The following CFAP54 variants were observed in gnomAD, a reference collection of about 807,000 sequenced individuals.
The protein encoded by CFAP54 is cilia- and flagella-associated protein 54.
In CFAP54, 290 loss-of-function variants were observed where a neutral mutation model predicts 370.4. The observed-to-expected ratio is 0.78, with a 90% CI of 0.71 to 0.86. The LOEUF is 0.86. Ranked by LOEUF, CFAP54 falls within the 40% of genes least tolerant of loss-of-function variation. The probability of loss-of-function intolerance (pLI) is 0.00; values close to 1 mark genes in which losing one functional copy is unlikely to be tolerated. For missense variants in CFAP54, 3,399 were observed against 3,528.7 expected, an observed-to-expected ratio of 0.96 and a Z score of 0.93; for synonymous variants, 1,206 against 1,236.5, an observed-to-expected ratio of 0.98 and a Z score of 0.52.
intron 39 of CFAP54, among the ~76,000 whole-genome samples, chr12:96,664,725 CTATATATATATATCTATATA>C (rs1957049263): frequency 1.2e-4 from 9 of 72,590 alleles, no homozygotes; most frequent in Non-Finnish European, 2.1e-4. Context: ...CTATATATAT[CTATATATATATATCTATATA>C]TATATATATC....
chr12:96,525,107 C>A (rs1955363624), intron 8 of CFAP54, among the ~76,000 whole-genome samples: 1 of 151,900 alleles, frequency 6.6e-6, no homozygotes, highest in Non-Finnish European at 1.5e-5. Flanking sequence ...TGACAACTTG[C>A]AAGTACGAAT....
intron 40 of CFAP54, among the ~76,000 whole-genome samples, chr12:96,680,801 T>C (rs1468539467): frequency 6.6e-6 from 1 of 152,232 alleles, no homozygotes; most frequent in South Asian, 2.1e-4. Flanking sequence ...TGGGTAAGGC[T>C]GACTGGGCGC....
chr12:96,684,567 C>T, intron 40 of CFAP54, 81 bp from the exon 41 acceptor site: 1 of 1,108,748 alleles, frequency 9.0e-7, no homozygotes. Context: ...AGGAATAGTG[C>T]AGTTTAAAAA....
chr12:96,845,754 C>T (rs764942376), intron 66 of CFAP54, among the ~76,000 whole-genome samples: 20 of 152,198 alleles, frequency 1.3e-4, no homozygotes, highest in South Asian at 2.1e-4. Context: ...ATGTCAGAGT[C>T]GGCTTCCCAA....
At position 96,533,486 on chromosome 12, in the gene CFAP54, T is replaced by C. The variant is rs144773116; in HGVS notation, c.1358-306T>C. On this transcript the variant is annotated intron_variant, in intron 9 of 67. Transcript: ENST00000524981. ...GCTCTATCCCCATTTTAGATCTCTT[T>C]CCCAAGTTTCCAACCTGTATCTAGG... is the stretch of plus-strand genomic sequence containing the variant. 7.2e-3 allele frequency among the ~76,000 whole-genome samples: 1,104 copies of C among 152,318 alleles called. 4 individuals carry two copies. The highest frequency in any genetic ancestry group is 0.03 in the South Asian group (146 of 4,818).
At chr12:96,828,954 G>A (rs1959158105) in intron 65 of CFAP54, 60 bp from the exon 66 acceptor site, 2 of 798,282 alleles carry the variant, frequency 2.5e-6, no homozygotes. Context: ...TAATTAAATA[G>A]GTAATATTTA....
chr12:96,671,397 T>TG (rs1322893298), intron 39 of CFAP54, among the ~76,000 whole-genome samples: 17 of 152,316 alleles, frequency 1.1e-4, no homozygotes, highest in African/African-American at 4.1e-4. Context: ...GGGGTTTTTT[T>TG]TGTGTGTTTA....
chr12:96,739,742 G>A (rs1236727935), intron 50 of CFAP54, among the ~76,000 whole-genome samples: 1 of 152,114 alleles, frequency 6.6e-6, no homozygotes, highest in East Asian at 1.9e-4. Context: ...AGACAAATTA[G>A]CTGTGAAGCA....
intron 5 of CFAP54, among the ~76,000 whole-genome samples, chr12:96,514,075 T>C (rs1352512484): frequency 6.6e-6 from 1 of 152,216 alleles, no homozygotes; most frequent in African/African-American, 2.4e-5. Flanking sequence ...CTGTATTAGT[T>C]TTCCAGTTAT....
At chr12:96,722,112 G>T (rs868458220) in intron 50 of CFAP54, among the ~76,000 whole-genome samples, 9 of 152,266 alleles carry the variant, frequency 5.9e-5, no homozygotes, top group Middle Eastern at 3.4e-3. Flanking sequence ...CCCATGTGCA[G>T]GAACTCTTAC....
At chr12:96,736,752 C>A (rs1957984264) in intron 50 of CFAP54, among the ~76,000 whole-genome samples, 1 of 152,024 alleles carries the variant, frequency 6.6e-6, no homozygotes, top group African/African-American at 2.4e-5. Flanking sequence ...TGAACTGCAC[C>A]AAGAGGCCCA....
At chr12:96,544,164 A>C (rs553113440) in intron 14 of CFAP54, among the ~76,000 whole-genome samples, 1 of 147,650 alleles carries the variant, frequency 6.8e-6, no homozygotes, top group Admixed American at 6.9e-5. Flanking sequence ...GAACACATAT[A>C]TTTTGTATGT....
intron 26 of CFAP54, 21 bp from the exon 27 acceptor site, chr12:96,621,569 T>C: frequency 7.1e-7 from 1 of 1,411,910 alleles, no homozygotes; most frequent in East Asian, 2.5e-5. Context: ...ACAGAGATAA[T>C]TAATAAATAT....
intron 1 of CFAP54, among the ~76,000 whole-genome samples, 159 bp from the exon 2 acceptor site, chr12:96,500,675 A>G (rs7959697): frequency 6.6e-6 from 1 of 151,980 alleles, no homozygotes; most frequent in Non-Finnish European, 1.5e-5. Flanking sequence ...GGAAGCAATA[A>G]TTTTAACTGT....
rs1958256669 is a variant in CFAP54 at position 96,756,334 on chromosome 12, A to AGAC, written c.7841-124_7841-123insGAC. ...CCTCATTGGCTTACCTTCTGGAAGA[A>AGAC]ATAGACAGACATACAAAAGGACAGC... On this transcript the variant is annotated intron_variant, in intron 56 of 67. Coordinates refer to ENST00000524981, the MANE Select transcript of CFAP54 (RefSeq NM_001306084.2). 5.0e-6 allele frequency: 3 copies of AGAC among 601,620 alleles called. No homozygotes were observed. The South Asian group carries it at 6.8e-5, about 14-fold the overall frequency. The allele number at this position is 601,620 out of a possible 1,614,324, so 37.3% of individuals were successfully genotyped here.
chr12:96,504,604 A>G (rs1386480941), intron 3 of CFAP54, among the ~76,000 whole-genome samples: 1 of 152,202 alleles, frequency 6.6e-6, no homozygotes, highest in Non-Finnish European at 1.5e-5. Flanking sequence ...AGGTTAGGAA[A>G]TGGAAGTTTA....
chr12:96,795,000 G>A (rs545071513), intron 63 of CFAP54, among the ~76,000 whole-genome samples: 3 of 152,284 alleles, frequency 2.0e-5, no homozygotes, highest in African/African-American at 4.8e-5. Context: ...TGCAGTGATT[G>A]TTATTTCTCT....
At chr12:96,734,478 G>T (rs1957958099) in intron 50 of CFAP54, among the ~76,000 whole-genome samples, 1 of 151,932 alleles carries the variant, frequency 6.6e-6, no homozygotes, top group African/African-American at 2.4e-5. Flanking sequence ...TTATTATAAG[G>T]ATTAAATAAG....
At chr12:96,836,501 G>A (rs190578266) in intron 66 of CFAP54, among the ~76,000 whole-genome samples, 25 of 152,274 alleles carry the variant, frequency 1.6e-4, no homozygotes, top group African/African-American at 5.8e-4. Context: ...GCACGTGGAG[G>A]TGAGATTACT....
Sources: gnomAD v4.1 joint callset for allele counts (sites outside exome capture counted in the v4.1 genomes callset) on GRCh38, gnomAD v4.1.1 for gene constraint, MANE v1.5 for transcripts, NCBI Gene and HGNC (gene_info 2026-07-23, HGNC 2026-07-21) for gene names.